Variants in MYO10 observed in about 807,000 individuals in gnomAD.
MYO10 encodes myosin X, also known as unconventional myosin-X.
A neutral mutation model predicts 257.3 loss-of-function variants in MYO10; 133 were observed. The ratio of observed to expected loss-of-function variants is 0.52; its 90% confidence interval spans 0.45 to 0.60. MYO10 has a LOEUF of 0.60. Among genes scored for constraint, MYO10 ranks in the 20% least tolerant of loss-of-function variants. The probability of loss-of-function intolerance (pLI) is 0.00; values close to 1 mark genes in which losing one functional copy is unlikely to be tolerated. For synonymous variants in MYO10, 1,104 were observed against 1,028.6 expected (o/e 1.07, Z -1.40); for missense variants, 2,399 against 2,635.7 (o/e 0.91, Z 1.97).
rs1347456362 is a variant in MYO10 at position 16,663,552 on chromosome 5, C to A, written c.*3140G>T. ...CACAGATAGAAAATATTTGAAAAAA[C>A]TTTTTTTGGTGGGGCACAGTGGCTC... On this transcript the variant is annotated 3_prime_UTR_variant, in exon 41 of 41. Coordinates refer to ENST00000513610, the MANE Select transcript of MYO10 (RefSeq NM_012334.3). 6.6e-6 allele frequency: 1 copy of A among 151,166 alleles called. No individual in the cohort carries two copies. Among genetic ancestry groups the A allele is most frequent in the Non-Finnish European group, 1.5e-5 (1 of 67,820 alleles). 9.4% of individuals were successfully genotyped at this position (151,166 alleles called of 1,614,324 possible).
At chr5:16,756,345 C>T (rs1296411336) in intron 18 of MYO10, among the ~76,000 whole-genome samples, 1 of 152,212 alleles carries the variant, frequency 6.6e-6, no homozygotes, top group East Asian at 1.9e-4. Context: ...GGATTACAGG[C>T]ATGTGTCACC....
chr5:16,776,727 T>C (rs1230986612), intron 9 of MYO10, among the ~76,000 whole-genome samples: 1 of 152,140 alleles, frequency 6.6e-6, no homozygotes, highest in Admixed American at 6.6e-5. Flanking sequence ...GAACAGACAG[T>C]TCTGAAGTGG....
At chr5:16,814,494 C>T (rs1238934045) in intron 3 of MYO10, 1 of 152,082 alleles carries the variant, frequency 6.6e-6, no homozygotes, top group African/African-American at 2.4e-5. Flanking sequence ...GGTTATCCAG[C>T]AAAAGAAAAC....
At chr5:16,800,241 T>C (rs2126686732) in intron 3 of MYO10, among the ~76,000 whole-genome samples, 1 of 152,202 alleles carries the variant, frequency 6.6e-6, no homozygotes, top group Non-Finnish European at 1.5e-5. Context: ...ATATGGTCCC[T>C]CATTACTACA....
intron 1 of MYO10, among the ~76,000 whole-genome samples, chr5:16,921,804 G>A (rs927880346): frequency 6.6e-6 from 1 of 152,092 alleles, no homozygotes; most frequent in Non-Finnish European, 1.5e-5. Flanking sequence ...CAGGAGGTGA[G>A]GGTATGATCC....
At chr5:16,731,648 C>T (rs1048837458) in intron 19 of MYO10, among the ~76,000 whole-genome samples, 3 of 152,220 alleles carry the variant, frequency 2.0e-5, no homozygotes, top group Non-Finnish European at 4.4e-5. Context: ...CACGCCAGGC[C>T]AAAACATGCT....
intron 3 of MYO10, chr5:16,814,407 C>T (rs1185033524): frequency 6.6e-6 from 1 of 152,156 alleles, no homozygotes; most frequent in Non-Finnish European, 1.5e-5. Flanking sequence ...CTCGGCCTCC[C>T]AAAGTGCTGG....
chr5:16,698,827 G>A (rs1737890614), intron 26 of MYO10, among the ~76,000 whole-genome samples: 1 of 150,794 alleles, frequency 6.6e-6, no homozygotes, highest in Non-Finnish European at 1.5e-5. Context: ...GTTTCACTGT[G>A]TTAGCCAGGA....
intron 26 of MYO10, among the ~76,000 whole-genome samples, chr5:16,696,725 G>A (rs1354056843): frequency 7.2e-5 from 11 of 152,060 alleles, no homozygotes; most frequent in South Asian, 2.1e-4. Flanking sequence ...GCGTGGTGGC[G>A]CACGCCTGTA....
At chr5:16,728,883 G>A (rs141015636) in intron 19 of MYO10, among the ~76,000 whole-genome samples, 3 of 152,360 alleles carry the variant, frequency 2.0e-5, no homozygotes, top group Admixed American at 6.5e-5. Context: ...CTCTTACAGC[G>A]ATCTGATGTG....
intron 1 of MYO10, among the ~76,000 whole-genome samples, chr5:16,933,389 C>T (rs1212376671): frequency 3.9e-5 from 6 of 152,196 alleles, no homozygotes; most frequent in Non-Finnish European, 7.3e-5. Context: ...TCACAAGCAG[C>T]TCCCATTTCC....
In MYO10 at chr5:16,748,490, G is replaced by GCCCC. The variant is rs376012902; in HGVS notation, c.1929+6334_1929+6337dup. Among the ~76,000 whole-genome samples, 279 of 147,776 alleles carry GCCCC rather than the reference G, an allele frequency of 1.9e-3. 1 individual carries two copies. Among genetic ancestry groups the GCCCC allele is most frequent in the African/African-American group, 6.5e-3 (257 of 39,724 alleles). Reference sequence around the variant, plus strand: ...GAACTCCTGGCCTCAAGTGATCCGCGCCCCCCCGCCCCCCATCAGCCTCCC... The same window carrying GCCCC: ...GAACTCCTGGCCTCAAGTGATCCGCGCCCCCCCCCCCGCCCCCCATCAGCCTCCC... On this transcript the variant is annotated intron_variant, in intron 19 of 40. Coordinates refer to ENST00000513610, the MANE Select transcript of MYO10 (RefSeq NM_012334.3).
chr5:16,774,108 T>C (rs1291131473), intron 9 of MYO10, among the ~76,000 whole-genome samples: 2 of 152,180 alleles, frequency 1.3e-5, no homozygotes, highest in East Asian at 3.8e-4. Context: ...ATTTCAACAC[T>C]AGGCTTCAAG....
intron 3 of MYO10, among the ~76,000 whole-genome samples, chr5:16,805,964 A>T (rs1330875578): frequency 1.3e-5 from 2 of 152,154 alleles, no homozygotes; most frequent in Non-Finnish European, 2.9e-5. Flanking sequence ...ACCCCCAAAA[A>T]ATCAAGTATC....
intron 19 of MYO10, among the ~76,000 whole-genome samples, chr5:16,727,193 C>T (rs1455584475): frequency 6.6e-6 from 1 of 151,900 alleles, no homozygotes; most frequent in East Asian, 1.9e-4. Context: ...ACAAAAAAAA[C>T]AATTTTTTTT....
At chr5:16,848,155 C>CTTTTTTTTTTTTCTTT (rs1554002458) in intron 2 of MYO10, among the ~76,000 whole-genome samples, 1 of 113,596 alleles carries the variant, frequency 8.8e-6, no homozygotes, top group African/African-American at 3.7e-5. Flanking sequence ...CTACACATTT[C>CTTTTTTTTTTTTCTTT]TTTTTTTTTT....
chr5:16,753,048 A>G lies in MYO10; in HGVS notation c.1929+1780T>C, dbSNP rs141981125. ...GTCACACAAACACCAAATTCTCACC[A>G]TCATATCTCACAGTAAGGTAACAAA... On this transcript the variant is annotated intron_variant, in intron 19 of 40. Coordinates refer to ENST00000513610, the MANE Select transcript of MYO10 (RefSeq NM_012334.3). 3.4e-3 allele frequency among the ~76,000 whole-genome samples: 516 copies of G among 152,318 alleles called. 5 individuals carry two copies. The highest frequency in any genetic ancestry group is 0.012 in the African/African-American group (490 of 41,584).
intron 35 of MYO10, among the ~76,000 whole-genome samples, chr5:16,674,627 G>A (rs1310113244): frequency 2.0e-5 from 3 of 150,446 alleles, no homozygotes; most frequent in Non-Finnish European, 4.4e-5. Flanking sequence ...CTATACATTA[G>A]GACATTACAC....
At chr5:16,673,559 G>A in intron 36 of MYO10, 123 bp downstream of exon 36, 3 of 952,216 alleles carry the variant, frequency 3.2e-6, no homozygotes, top group Non-Finnish European at 4.8e-6. Context: ...TTAGTATTGA[G>A]AGCTGTACTA....
Sources: allele counts gnomAD v4.1 joint callset (sites outside exome capture counted in the v4.1 genomes callset), GRCh38; gene constraint gnomAD v4.1.1; transcripts MANE v1.5; gene names NCBI Gene and HGNC (gene_info 2026-07-23, HGNC 2026-07-21).